AKAP12: variants seen among roughly 807,000 people sequenced by gnomAD.
The protein encoded by AKAP12 is A-kinase anchoring protein 12.
AKAP12 carries 32 observed loss-of-function variants against 79.9 expected under a neutral mutation model. The ratio of observed to expected loss-of-function variants is 0.40; its 90% CI spans 0.30 to 0.54. AKAP12 has a LOEUF of 0.54. Ranked by LOEUF, AKAP12 falls within the 20% of genes least tolerant of loss-of-function variation. The pLI, the probability that AKAP12 is intolerant of heterozygous loss-of-function variation, is 0.48. For synonymous variants in AKAP12, 808 were observed against 857.0 expected (o/e 0.94, Z 1.00); for missense variants, 2,074 against 2,177.0 (o/e 0.95, Z 0.94).
In AKAP12 at chr6:151,305,806, C is replaced by T. The variant is rs747453688; in HGVS notation, c.222C>T (p.Leu74=). 4 of 1,614,090 alleles carry T rather than the reference C, an allele frequency of 2.5e-6. No individual in the cohort carries two copies. Among genetic ancestry groups the T allele is most frequent in the Non-Finnish European group, 3.4e-6 (4 of 1,180,002 alleles). Residue 74 remains leucine, a synonymous_variant, in exon 3 of 5, where the codon CTC becomes CTT. Coordinates refer to ENST00000402676, the MANE Select transcript of AKAP12 (RefSeq NM_005100.4). ...ATGGCGTAGCTGAGCAAGATGAGCT[C>T]AGCCTCCAGGAGGGTGACCTAAATG... ...TINGVAEQDE[L]SLQEGDLNGQ...
Position 151,349,338 on chromosome 6 carries a change from C to T in AKAP12, c.947C>T (p.Pro316Leu), listed in dbSNP as rs758837249. The change falls in exon 4 of 5, where the codon CCG becomes CTG. Residue 316 changes from proline to leucine, a missense_variant. Pro to Leu is a moderately conservative substitution (Grantham distance 98). Transcript: ENST00000402676. Reference protein sequence around the residue: ...GWRKKTSFRKPKEDEVEASEK... With the variant: ...GWRKKTSFRKLKEDEVEASEK... ...CGCAAAAAGACCAGTTTCAGGAAGC[C>T]GAAGGAGGATGAAGTGGAAGCTTCA... 2.1e-5 allele frequency: 34 copies of T among 1,613,610 alleles called. No individual in the cohort carries two copies. The highest frequency in any genetic ancestry group is 2.8e-5 in the Non-Finnish European group (33 of 1,179,944).
At chr6:151,335,225 T>G (rs1777782082) in intron 3 of AKAP12, among the ~76,000 whole-genome samples, 1 of 152,232 alleles carries the variant, frequency 6.6e-6, no homozygotes, top group Non-Finnish European at 1.5e-5. Flanking sequence ...TGAAAAATTT[T>G]CCCTATTCTC....
chr6:151,271,231 G>C (rs6939749), intron 2 of AKAP12, among the ~76,000 whole-genome samples: 66,705 of 151,810 alleles, frequency 0.44, 15,586 homozygotes, highest in African/African-American at 0.59. Context: ...TTAGATATCA[G>C]ACACTTCACT....
In AKAP12 at chr6:151,351,203, G is replaced by A. The variant is rs1051624756; in HGVS notation, c.2812G>A (p.Glu938Lys). The A allele has an allele frequency of 3.7e-6, 6 of 1,614,224 alleles. No individual in the cohort carries two copies. Among genetic ancestry groups the A allele is most frequent in the Non-Finnish European group, 5.1e-6 (6 of 1,180,050 alleles). ...CGCACTGTTAACTGAGGAGGTATTG[G>A]AAAGAGAAGTAATTGCAGAAGAAGA... ...EAALLTEEVL[E>K]REVIAEEEPP... Residue 938 changes from glutamate (E) to lysine (K), a missense_variant, in exon 4 of 5, where the codon GAA (glutamate) becomes AAA (lysine). This residue lies in a region of AKAP12 where 1,428 missense variants were observed against 1,451.0 expected (regional missense o/e 0.98). Transcript: ENST00000402676. This position sits in a 1 kb window ranked among gnomAD's most constrained non-coding sequence, Gnocchi z 4.4.
chr6:151,248,321 T>C (rs2114680204), intron 2 of AKAP12, among the ~76,000 whole-genome samples: 1 of 151,684 alleles, frequency 6.6e-6, no homozygotes, highest in African/African-American at 2.4e-5. Context: ...CAGGCTAGTC[T>C]TGAACTCCCG....
intron 2 of AKAP12, among the ~76,000 whole-genome samples, chr6:151,243,516 G>A (rs1437827363): frequency 6.6e-6 from 1 of 152,178 alleles, no homozygotes; most frequent in East Asian, 1.9e-4. Flanking sequence ...ACAAGCTTTT[G>A]ATTACTCAGG....
chr6:151,248,711 C>G (rs952075639), intron 2 of AKAP12, among the ~76,000 whole-genome samples: 1 of 152,058 alleles, frequency 6.6e-6, no homozygotes, highest in African/African-American at 2.4e-5. Flanking sequence ...GGTTGCTGGC[C>G]GGGCATGGTG....
intron 2 of AKAP12, among the ~76,000 whole-genome samples, chr6:151,279,849 T>A (rs1389807321): frequency 6.6e-6 from 1 of 152,004 alleles, no homozygotes; most frequent in Admixed American, 6.6e-5. Flanking sequence ...CTGGTCTCTT[T>A]AAAAAAGTAA....
rs144462000 is a variant in AKAP12, at chr6:151,269,889, C to T, written c.162+29165C>T. Reference sequence around the variant, plus strand: ...CCGTCACTCTGCATTTCCCACTCCCCTCATTCCCAGTAACCACAGAGCCAA... The same window carrying T: ...CCGTCACTCTGCATTTCCCACTCCCTTCATTCCCAGTAACCACAGAGCCAA... On this transcript the variant is annotated intron_variant, in intron 2 of 4. Transcript: ENST00000402676. Among the ~76,000 whole-genome samples the T allele has an allele frequency of 1.6e-3, 243 of 152,310 alleles. 2 individuals are homozygous for T. Among genetic ancestry groups the T allele is most frequent in the African/African-American group, 5.6e-3 (233 of 41,570 alleles).
chr6:151,241,601 G>T (rs570320784), intron 2 of AKAP12, among the ~76,000 whole-genome samples: 40 of 152,308 alleles, frequency 2.6e-4, no homozygotes, highest in African/African-American at 9.6e-4. Context: ...CGCCAAGACT[G>T]TGGCTTGTTC....
At position 151,350,340 on chromosome 6, in the gene AKAP12, C is replaced by A. The variant is rs779683119; in HGVS notation, c.1949C>A (p.Ala650Asp). The change falls in exon 4 of 5, where the codon GCC (alanine) becomes GAC (aspartate). Residue 650 changes from alanine to aspartate, a missense_variant. Ala to Asp is a moderately radical substitution (Grantham distance 126, BLOSUM62 -2). Around this residue, in one of 3 missense-constraint regions of AKAP12, gnomAD observed 1,428 missense variants for 1,451.0 expected, o/e 0.98. Transcript: ENST00000402676. The surrounding 1 kb of genome is among the most constrained non-coding windows in gnomAD (Gnocchi z 4.8). ...ACCTTGTCTTCCACCGAGAGCACAGCCTCTGAAATGCAAGAAGAAATGAAA... is the reference window on the plus strand; with the variant it reads ...ACCTTGTCTTCCACCGAGAGCACAGACTCTGAAATGCAAGAAGAAATGAAA... ...SATLSSTEST[A>D]SEMQEEMKGS... 1.2e-6 allele frequency: 2 copies of A among 1,613,716 alleles called. No homozygotes were observed. The highest frequency in any genetic ancestry group is 1.7e-6 in the Non-Finnish European group (2 of 1,180,004).
At chr6:151,240,355 C>T (rs901706755) in intron 1 of AKAP12, 29 bp from the exon 2 acceptor site, 3 of 455,834 alleles carry the variant, frequency 6.6e-6, no homozygotes, top group Non-Finnish European at 1.1e-5. Flanking sequence ...TAAGAGGTGG[C>T]CTTTTTTTTT....
chr6:151,258,994 CTA>C (rs1012299979), intron 2 of AKAP12, among the ~76,000 whole-genome samples: 5 of 149,620 alleles, frequency 3.3e-5, no homozygotes, highest in Non-Finnish European at 4.4e-5. Flanking sequence ...CATAATGTAT[CTA>C]TATATGTGTG....
At chr6:151,345,791 T>TA (rs543919392) in intron 3 of AKAP12, among the ~76,000 whole-genome samples, 22,284 of 128,694 alleles carry the variant, frequency 0.17, 3,312 homozygotes, top group African/African-American at 0.41. Context: ...GACTCTGTCT[T>TA]AAAAAAAAAA....
intron 2 of AKAP12, among the ~76,000 whole-genome samples, chr6:151,279,634 C>T: frequency 6.6e-6 from 1 of 151,780 alleles, no homozygotes; most frequent in East Asian, 1.9e-4. Flanking sequence ...TAAAATTGAC[C>T]CTTAACACTG....
intron 2 of AKAP12, among the ~76,000 whole-genome samples, chr6:151,290,353 T>C (rs938070949): frequency 2.0e-5 from 3 of 152,082 alleles, no homozygotes; most frequent in Non-Finnish European, 4.4e-5. Context: ...CAGTCCCAGG[T>C]GACTGAGACA....
chr6:151,333,739 CA>C (rs11292037), intron 3 of AKAP12, among the ~76,000 whole-genome samples: 44,586 of 124,966 alleles, frequency 0.36, 7,455 homozygotes, highest in East Asian at 0.56. Context: ...ACTGTGACTT[CA>C]AAAAAAAAAA....
In AKAP12 at chr6:151,351,620, C is replaced by A; in HGVS notation, c.3229C>A (p.Pro1077Thr). The change falls in exon 4 of 5, where the codon CCA becomes ACA. Residue 1077 changes from proline (P) to threonine (T), a missense_variant. Physicochemically the swap from Pro to Thr is conservative, Grantham distance 38. This residue lies in a region of AKAP12 where 1,428 missense variants were observed against 1,451.0 expected (regional missense o/e 0.98). Coordinates refer to ENST00000402676, the MANE Select transcript of AKAP12 (RefSeq NM_005100.4). This position sits in a 1 kb window ranked among gnomAD's most constrained non-coding sequence, Gnocchi z 4.4. ...TGTGCAGAGAGCAGAGGCAGAAAGA[C>A]CAGAAGAGCAGGCTGAAGCGTCGGG... ...QPVQRAEAER[P>T]EEQAEASGLK... is the part of the protein sequence containing the mutation. 3.1e-6 allele frequency: 5 copies of A among 1,614,050 alleles called. No individual in the cohort carries two copies. Among genetic ancestry groups the A allele is most frequent in the Non-Finnish European group, 4.2e-6 (5 of 1,180,012 alleles).
intron 2 of AKAP12, among the ~76,000 whole-genome samples, chr6:151,300,144 A>G (rs940555116): frequency 1.3e-5 from 2 of 152,172 alleles, no homozygotes; most frequent in African/African-American, 2.4e-5. Context: ...ATTAGAATGA[A>G]GGAGAAAACA....
Sources: gnomAD v4.1 joint callset for allele counts (sites outside exome capture counted in the v4.1 genomes callset) on GRCh38, gnomAD v4.1.1 for gene constraint, gnomAD v4.1.1 regional missense constraint, Gnocchi (gnomAD v3.1) non-coding constraint, MANE v1.5 for transcripts, NCBI Gene and HGNC (gene_info 2026-07-23, HGNC 2026-07-21) for gene names.